PLPPR5: variants seen among roughly 807,000 people sequenced by gnomAD.
The protein encoded by PLPPR5 is phospholipid phosphatase-related protein type 5.
In PLPPR5, 16 loss-of-function variants were observed where a neutral mutation model predicts 33.9. That is an observed-to-expected ratio of 0.47 (90% confidence interval 0.32 to 0.72). The LOEUF (loss-of-function observed/expected upper bound fraction) is 0.72, where lower values mean the gene tolerates loss of function less well. Ranked by LOEUF, PLPPR5 falls within the 30% of genes least tolerant of loss-of-function variation. PLPPR5 has a pLI of 0.03. For synonymous variants in PLPPR5, 163 were observed against 150.3 expected, an observed-to-expected ratio of 1.08 and a Z score of -0.62; for missense variants, 301 against 406.7, an observed-to-expected ratio of 0.74 and a Z score of 2.23.
intron 5 of PLPPR5, among the ~76,000 whole-genome samples, chr1:98,904,791 G>A (rs1034081236): frequency 1.3e-5 from 2 of 152,138 alleles, no homozygotes; most frequent in Admixed American, 1.3e-4. Flanking sequence ...AATTACAAAG[G>A]AGAGGTATCC....
At chr1:98,910,859 C>CA in intron 5 of PLPPR5, among the ~76,000 whole-genome samples, 3 of 150,696 alleles carry the variant, frequency 2.0e-5, no homozygotes, top group Admixed American at 2.0e-4. Flanking sequence ...GTGCAAACTC[C>CA]ACACAGACAG....
At chr1:98,984,229 A>G (rs2100754891) in intron 1 of PLPPR5, among the ~76,000 whole-genome samples, 1 of 152,138 alleles carries the variant, frequency 6.6e-6, no homozygotes, top group East Asian at 1.9e-4. Context: ...GCATCAAGAG[A>G]GTGTCTATGC....
At chr1:98,914,640 T>C in intron 5 of PLPPR5, 146 bp downstream of exon 5, 1 of 680,214 alleles carries the variant, frequency 1.5e-6, no homozygotes, top group East Asian at 3.2e-5. Context: ...TCTATGATTA[T>C]CTCTTTAGTG....
intron 3 of PLPPR5, among the ~76,000 whole-genome samples, chr1:98,946,964 G>A (rs1650579310): frequency 6.6e-6 from 1 of 151,764 alleles, no homozygotes; most frequent in Non-Finnish European, 1.5e-5. Context: ...TGGTGGAAGG[G>A]GCCCATGAAG....
intron 1 of PLPPR5, among the ~76,000 whole-genome samples, chr1:98,997,553 T>C (rs1034492714): frequency 1.3e-5 from 2 of 152,204 alleles, no homozygotes; most frequent in Non-Finnish European, 2.9e-5. Flanking sequence ...TCAGAGCTTA[T>C]TGAAATATTT....
intron 1 of PLPPR5, among the ~76,000 whole-genome samples, chr1:98,975,680 G>C (rs964512168): frequency 6.6e-6 from 1 of 151,888 alleles, no homozygotes; most frequent in Non-Finnish European, 1.5e-5. Context: ...AAAAAGGGTC[G>C]GCTGGGACCC....
At chr1:98,902,047 T>C (rs151043931) in intron 5 of PLPPR5, among the ~76,000 whole-genome samples, 1 of 152,192 alleles carries the variant, frequency 6.6e-6, no homozygotes, top group Non-Finnish European at 1.5e-5. Flanking sequence ...CATATTCTTG[T>C]TTCAGAACAC....
chr1:98,973,662 G>A (rs375099771), intron 1 of PLPPR5, among the ~76,000 whole-genome samples: 2 of 151,950 alleles, frequency 1.3e-5, no homozygotes, highest in South Asian at 4.2e-4. Context: ...GGGAAACCAG[G>A]ACATAGGGTT....
intron 1 of PLPPR5, among the ~76,000 whole-genome samples, chr1:98,986,946 T>C (rs1287064273): frequency 1.3e-5 from 2 of 151,852 alleles, no homozygotes; most frequent in Admixed American, 1.3e-4. Context: ...ATTTTCTTTA[T>C]TAGTTCTTTG....
intron 5 of PLPPR5, among the ~76,000 whole-genome samples, chr1:98,913,845 T>C (rs1336668513): frequency 2.0e-5 from 3 of 152,198 alleles, no homozygotes; most frequent in Non-Finnish European, 2.9e-5. Context: ...TAGGAAATAT[T>C]ATCCTATGTG....
intron 4 of PLPPR5, among the ~76,000 whole-genome samples, chr1:98,919,779 T>C: frequency 6.6e-6 from 1 of 152,124 alleles, no homozygotes; most frequent in South Asian, 2.1e-4. Context: ...AAATCTTACG[T>C]AGGGTAAAAG....
intron 1 of PLPPR5, among the ~76,000 whole-genome samples, chr1:99,003,731 G>A (rs2100772436): frequency 6.6e-6 from 1 of 152,290 alleles, no homozygotes; most frequent in African/African-American, 2.4e-5. Flanking sequence ...TGCTCTGTGA[G>A]GTTCTAAGAG....
chr1:98,920,593 C>CAAAAAAAAAAAAAAAAAAA lies in PLPPR5; in HGVS notation c.798+1288_798+1289insTTTTTTTTTTTTTTTTTTT, dbSNP rs763477562. ...TGGGAATCACAGAGAGTGGTATCACCAAAAAAAAAAAAAAAAGCAGCACAG... is the reference window on the plus strand; with the variant it reads ...TGGGAATCACAGAGAGTGGTATCACCAAAAAAAAAAAAAAAAAAAAAAAAAAAAAAAAAAAGCAGCACAG... On this transcript the variant is annotated intron_variant, in intron 4 of 5. Coordinates refer to ENST00000263177, the MANE Select transcript of PLPPR5 (RefSeq NM_001037317.2). Among the ~76,000 whole-genome samples, 42 of 69,020 alleles carry CAAAAAAAAAAAAAAAAAAA rather than the reference C, an allele frequency of 6.1e-4. 11 individuals carry two copies. The highest frequency in any genetic ancestry group is 9.9e-4 in the African/African-American group (21 of 21,122). 45.3% of individuals were successfully genotyped at this position (69,020 alleles called of 152,430 possible).
chr1:98,979,250 T>C (rs1486195059), intron 1 of PLPPR5, among the ~76,000 whole-genome samples: 2 of 152,022 alleles, frequency 1.3e-5, no homozygotes, highest in Non-Finnish European at 2.9e-5. Context: ...TCTTGTTCTT[T>C]ACTCACTGCA....
intron 3 of PLPPR5, among the ~76,000 whole-genome samples, chr1:98,925,191 T>C (rs1649708857): frequency 6.6e-6 from 1 of 152,244 alleles, no homozygotes; most frequent in Admixed American, 6.5e-5. Flanking sequence ...ATTGATTATT[T>C]ATGCTCTCTT....
intron 1 of PLPPR5, among the ~76,000 whole-genome samples, chr1:98,983,131 C>T (rs1652117518): frequency 6.6e-6 from 1 of 151,554 alleles, no homozygotes; most frequent in Non-Finnish European, 1.5e-5. Flanking sequence ...TACATGTGCA[C>T]ATTGTGCAGG....
At chr1:98,981,748 T>C (rs1652070492) in intron 1 of PLPPR5, among the ~76,000 whole-genome samples, 1 of 152,106 alleles carries the variant, frequency 6.6e-6, no homozygotes, top group African/African-American at 2.4e-5. Flanking sequence ...TTTAACACGA[T>C]TGCTAATAGG....
chr1:98,940,807 G>T (rs538399885), intron 3 of PLPPR5, among the ~76,000 whole-genome samples: 2 of 152,014 alleles, frequency 1.3e-5, no homozygotes, highest in South Asian at 2.1e-4. Context: ...GGAACCAACA[G>T]AATTAATCAG....
chr1:98,899,940 T>G (rs979329769), intron 5 of PLPPR5, among the ~76,000 whole-genome samples: 7 of 152,114 alleles, frequency 4.6e-5, no homozygotes, highest in African/African-American at 1.4e-4. Context: ...TCCATGCACT[T>G]TGTCTTCTAA....
Sources: allele counts gnomAD v4.1 joint callset (sites outside exome capture counted in the v4.1 genomes callset), GRCh38; gene constraint gnomAD v4.1.1; transcripts MANE v1.5; gene names NCBI Gene and HGNC (gene_info 2026-07-23, HGNC 2026-07-21).